Variants in CAMTA1 observed in about 807,000 individuals in gnomAD.
CAMTA1 encodes calmodulin binding transcription activator 1, also known as calmodulin-binding transcription activator 1.
A neutral mutation model predicts 170.9 loss-of-function variants in CAMTA1; 27 were observed. That is an observed-to-expected ratio of 0.16 (90% CI 0.12 to 0.22). CAMTA1 has a LOEUF of 0.22. Among genes scored for constraint, CAMTA1 ranks in the 10% least tolerant of loss-of-function variants. The probability of loss-of-function intolerance (pLI) is 1.00; values close to 1 mark genes in which losing one functional copy is unlikely to be tolerated. For synonymous variants in CAMTA1, 833 were observed against 891.5 expected, an observed-to-expected ratio of 0.93 and a Z score of 1.17; for missense variants, 1,619 against 2,217.2, an observed-to-expected ratio of 0.73 and a Z score of 5.42.
chr1:7,101,109 T>C (rs2148241867), intron 4 of CAMTA1, among the ~76,000 whole-genome samples: 1 of 152,326 alleles, frequency 6.6e-6, no homozygotes, highest in East Asian at 1.9e-4. Flanking sequence ...GCCCTGTCCG[T>C]GTCCATCGAT....
intron 4 of CAMTA1, among the ~76,000 whole-genome samples, chr1:7,117,249 G>A (rs1164604506): frequency 5.3e-5 from 8 of 152,216 alleles, no homozygotes; most frequent in African/African-American, 1.9e-4. Flanking sequence ...GGGATTACAG[G>A]TGTGAGCCAC....
At chr1:6,853,509 A>C (rs1406962455) in intron 3 of CAMTA1, among the ~76,000 whole-genome samples, 1 of 152,224 alleles carries the variant, frequency 6.6e-6, no homozygotes, top group Non-Finnish European at 1.5e-5. Context: ...AAAGAAGGCA[A>C]GACGACCAAA....
intron 3 of CAMTA1, among the ~76,000 whole-genome samples, chr1:6,875,927 C>A (rs1669707195): frequency 6.6e-6 from 1 of 152,188 alleles, no homozygotes; most frequent in Non-Finnish European, 1.5e-5. Context: ...TGGGCCAATG[C>A]TGTTAATTCT....
At chr1:6,830,197 G>A (rs1020788579) in intron 3 of CAMTA1, among the ~76,000 whole-genome samples, 1 of 149,192 alleles carries the variant, frequency 6.7e-6, no homozygotes, top group Non-Finnish European at 1.5e-5. Context: ...CCACCATGCC[G>A]GGCTAGTTTT....
chr1:7,262,417 C>G (rs953675554), intron 5 of CAMTA1, among the ~76,000 whole-genome samples: 2 of 152,108 alleles, frequency 1.3e-5, no homozygotes, highest in African/African-American at 4.8e-5. Context: ...TAAAAATTAG[C>G]CGGGCGTGGT....
intron 4 of CAMTA1, among the ~76,000 whole-genome samples, chr1:7,158,660 G>C (rs956024890): frequency 6.6e-6 from 1 of 152,204 alleles, no homozygotes; most frequent in Non-Finnish European, 1.5e-5. Flanking sequence ...ATAGTTACGA[G>C]ATAGAGCAAA....
intron 4 of CAMTA1, among the ~76,000 whole-genome samples, chr1:7,203,954 C>A (rs1156723408): frequency 6.6e-6 from 1 of 151,558 alleles, no homozygotes; most frequent in Non-Finnish European, 1.5e-5. Flanking sequence ...GCCTCAACCT[C>A]CCGAGTAGCT....
intron 3 of CAMTA1, among the ~76,000 whole-genome samples, chr1:6,927,496 C>A (rs536300931): frequency 7.2e-5 from 11 of 152,330 alleles, no homozygotes; most frequent in African/African-American, 2.4e-4. Flanking sequence ...TCTTAAATAA[C>A]CAAATTACGA....
At chr1:7,379,182 A>T (rs2087081690) in intron 5 of CAMTA1, among the ~76,000 whole-genome samples, 1 of 152,240 alleles carries the variant, frequency 6.6e-6, no homozygotes, top group Non-Finnish European at 1.5e-5. Flanking sequence ...TCAATATACT[A>T]AGATCTACCT....
intron 6 of CAMTA1, among the ~76,000 whole-genome samples, chr1:7,553,221 GAAT>G (rs2094829956): frequency 7.8e-5 from 1 of 12,890 alleles, no homozygotes; most frequent in African/African-American, 8.8e-4. Flanking sequence ...ATAAGTGAGT[GAAT>G]GAATGAGGGA....
chr1:7,698,085 C>A (rs968517018), intron 11 of CAMTA1, among the ~76,000 whole-genome samples: 7 of 142,410 alleles, frequency 4.9e-5, no homozygotes, highest in East Asian at 2.0e-4. Context: ...CCCCCCCCCC[C>A]CCCACCAACA....
At chr1:7,335,308 G>A (rs1042816241) in intron 5 of CAMTA1, among the ~76,000 whole-genome samples, 4 of 152,140 alleles carry the variant, frequency 2.6e-5, no homozygotes, top group Non-Finnish European at 5.9e-5. Context: ...AATGTCATGG[G>A]TATCAATATC....
At chr1:7,368,075 G>T (rs2086134813) in intron 5 of CAMTA1, among the ~76,000 whole-genome samples, 1 of 151,506 alleles carries the variant, frequency 6.6e-6, no homozygotes. Context: ...CAGACATTGG[G>T]CACTCATGGT....
At chr1:7,636,169 T>TGGGCAGGTGCC (rs151210407) in intron 6 of CAMTA1, among the ~76,000 whole-genome samples, 1,953 of 152,324 alleles carry the variant, frequency 0.013, 40 homozygotes, top group African/African-American at 0.045. Context: ...CCCCCGGTGT[T>TGGGCAGGTGCC]GGGCAGGTGC....
At chr1:7,722,802 G>A (rs1000195794) in intron 11 of CAMTA1, among the ~76,000 whole-genome samples, 14 of 152,004 alleles carry the variant, frequency 9.2e-5, no homozygotes, top group Non-Finnish European at 1.8e-4. Flanking sequence ...TAAAATGCCA[G>A]CTGGGCATGG....
At chr1:6,829,314 G>C (rs1648713218) in intron 3 of CAMTA1, among the ~76,000 whole-genome samples, 1 of 152,238 alleles carries the variant, frequency 6.6e-6, no homozygotes, top group Non-Finnish European at 1.5e-5. Context: ...AAGAAGGTAA[G>C]AGAGATCGTT....
chr1:6,916,398 C>G (rs77807512), intron 3 of CAMTA1, among the ~76,000 whole-genome samples: 1,607 of 152,298 alleles, frequency 0.011, 36 homozygotes, highest in African/African-American at 0.037. Context: ...CCCGCCCCAC[C>G]TCTGAATGAC....
intron 4 of CAMTA1, among the ~76,000 whole-genome samples, chr1:7,129,100 A>G (rs1287310528): frequency 6.6e-6 from 1 of 151,658 alleles, no homozygotes; most frequent in African/African-American, 2.4e-5. Context: ...GGCTTCCCAA[A>G]GTGCTGGGAT....
chr1:7,398,193 C>CTCTATATATA (rs1557651862), intron 5 of CAMTA1, among the ~76,000 whole-genome samples: 2 of 16,894 alleles, frequency 1.2e-4, no homozygotes, highest in Non-Finnish European at 2.2e-4. Flanking sequence ...CTCTCTCTCT[C>CTCTATATATA]TATATATATA....
Sources: allele counts gnomAD v4.1 joint callset (sites outside exome capture counted in the v4.1 genomes callset), GRCh38; gene constraint gnomAD v4.1.1; transcripts MANE v1.5; gene names NCBI Gene and HGNC (gene_info 2026-07-23, HGNC 2026-07-21).